TRAPPC8: variants seen among roughly 807,000 people sequenced by gnomAD.
The protein encoded by TRAPPC8 is trafficking protein particle complex subunit 8.
A neutral mutation model predicts 174.3 loss-of-function variants in TRAPPC8; 54 were observed. The ratio of observed to expected loss-of-function variants is 0.31; its 90% CI spans 0.25 to 0.39. The LOEUF is 0.39. Among genes scored for constraint, TRAPPC8 ranks in the 10% least tolerant of loss-of-function variants. TRAPPC8 has a pLI of 1.00. For missense variants in TRAPPC8, 1,531 were observed against 1,699.1 expected, an observed-to-expected ratio of 0.90 and a Z score of 1.74; for synonymous variants, 630 against 579.9, an observed-to-expected ratio of 1.09 and a Z score of -1.24.
intron 10 of TRAPPC8, among the ~76,000 whole-genome samples, chr18:31,898,809 A>C (rs2036289675): frequency 6.6e-6 from 1 of 152,228 alleles, no homozygotes; most frequent in Admixed American, 6.5e-5. Context: ...TCTTACTATG[A>C]AATTACAAGA....
chr18:31,935,822 G>A (rs375863838), intron 1 of TRAPPC8, among the ~76,000 whole-genome samples: 161 of 150,828 alleles, frequency 1.1e-3, no homozygotes, highest in African/African-American at 3.8e-3. Flanking sequence ...TGCAACCTCC[G>A]CCTCCCAGGT....
chr18:31,846,794 T>C lies in TRAPPC8; in HGVS notation c.3759A>G (p.Lys1253=). ...LWKAYVVEDS[K]QLILEGQHHV... is the part of the protein sequence containing the mutation. ...GATGTTGACCTTCCAAAATAAGCTG[T>C]TTACTGTCTTCCACAACGTATGCCT... The change falls in exon 26 of 29, where the codon AAA becomes AAG. Residue 1253 remains lysine, a synonymous_variant. Coordinates refer to ENST00000283351, the MANE Select transcript of TRAPPC8 (RefSeq NM_014939.5). 1 of 1,612,600 alleles carries C rather than the reference T, an allele frequency of 6.2e-7. No homozygotes were observed. Among genetic ancestry groups the C allele is most frequent in the Non-Finnish European group, 8.5e-7 (1 of 1,179,054 alleles).
chr18:31,854,010 G>A (rs2033861367), intron 21 of TRAPPC8, 65 bp from the exon 22 acceptor site: 1 of 1,289,742 alleles, frequency 7.8e-7, no homozygotes. Context: ...GTTCCGATGA[G>A]AATAAAATTC....
At chr18:31,921,370 T>C (rs2037381082) in intron 2 of TRAPPC8, among the ~76,000 whole-genome samples, 1 of 152,074 alleles carries the variant, frequency 6.6e-6, no homozygotes. Flanking sequence ...TCCCAACACT[T>C]TGGGAGGCCG....
rs770628604 is a variant in TRAPPC8, at chr18:31,866,878, C to T, written c.2561G>A (p.Gly854Asp). The part of the protein sequence containing the change: ...GTIQGSMTVD[G>D]IGALPGCHTG... ...GTGACATCCGGGAAGAGCACCAATG[C>T]CATCTACTGTCATAGAGCCCTGAAT... The change falls in exon 18 of 29, where the codon GGC becomes GAC. Residue 854 changes from glycine to aspartate, a missense_variant. By Grantham distance (94) the Gly-to-Asp change is moderately conservative. Coordinates refer to ENST00000283351, the MANE Select transcript of TRAPPC8 (RefSeq NM_014939.5). 4 of 1,613,510 alleles carry T rather than the reference C, an allele frequency of 2.5e-6. No individual in the cohort carries two copies. Among genetic ancestry groups the T allele is most frequent in the Non-Finnish European group, 2.5e-6 (3 of 1,179,658 alleles).
chr18:31,861,758 G>C (rs2034332916), intron 19 of TRAPPC8, among the ~76,000 whole-genome samples: 1 of 151,922 alleles, frequency 6.6e-6, no homozygotes, highest in Non-Finnish European at 1.5e-5. Context: ...GCAACGTAGT[G>C]AAACCAGTCC....
rs780124857 is a variant in TRAPPC8, at chr18:31,942,714, G to A, written c.51C>T (p.Val17=). The A allele has an allele frequency of 8.1e-6, 13 of 1,607,198 alleles. No homozygotes were observed. In the East Asian group the frequency reaches 2.5e-4, roughly 31 times the overall value. The change falls in exon 1 of 29, where the codon GTC becomes GTT. Residue 17 remains valine (V), a synonymous_variant. Transcript: ENST00000283351. ...CGCTGCACAGCGCAGCGACACAGGG[G>A]ACGAAGGAGTCCGGGATTAGCTCCT... ...SVQELIPDSF[V]PCVAALCSDE... is the part of the protein sequence containing the mutation.
At chr18:31,942,511 C>T (rs1598778098) in intron 1 of TRAPPC8, 97 bp downstream of exon 1, 2 of 1,384,992 alleles carry the variant, frequency 1.4e-6, no homozygotes, top group Non-Finnish European at 1.9e-6. Context: ...GGCTCCAGGA[C>T]GTAAACACTG....
intron 12 of TRAPPC8, among the ~76,000 whole-genome samples, chr18:31,879,015 T>C (rs376448548): frequency 2.0e-5 from 3 of 152,112 alleles, no homozygotes; most frequent in Admixed American, 6.5e-5. Flanking sequence ...CAAGCAGCCA[T>C]ACAGTAATAC....
rs2034575289 is a variant in TRAPPC8 at position 31,866,135 on chromosome 18, A to G, written c.2590+714T>C. ...TGTTTGTCAAGGACTATTCAACTTAATTTGTTGTAAAATAAGACATATCTA... is the reference window on the plus strand; with the variant it reads ...TGTTTGTCAAGGACTATTCAACTTAGTTTGTTGTAAAATAAGACATATCTA... On this transcript the variant is annotated intron_variant, in intron 18 of 28. Coordinates refer to ENST00000283351, the MANE Select transcript of TRAPPC8 (RefSeq NM_014939.5). Among the ~76,000 whole-genome samples the G allele has an allele frequency of 3.3e-5, 5 of 152,188 alleles. No individual in the cohort carries two copies. In the South Asian group the frequency reaches 1.0e-3, roughly 32 times the overall value.
intron 21 of TRAPPC8, 108 bp from the exon 22 acceptor site, chr18:31,854,053 A>G (rs144228454): frequency 1.5e-5 from 12 of 786,732 alleles, no homozygotes; most frequent in East Asian, 1.1e-4. Flanking sequence ...GTCAATTAAC[A>G]TAAGATGCAA....
At chr18:31,868,099 A>G (rs1190646644) in intron 16 of TRAPPC8, among the ~76,000 whole-genome samples, 1 of 152,216 alleles carries the variant, frequency 6.6e-6, no homozygotes, top group African/African-American at 2.4e-5. Flanking sequence ...CAGGTAGACA[A>G]TAACAGCAGT....
chr18:31,885,912 C>T (rs2035687329), intron 12 of TRAPPC8, among the ~76,000 whole-genome samples: 1 of 151,732 alleles, frequency 6.6e-6, no homozygotes, highest in Admixed American at 6.6e-5. Flanking sequence ...GATAATACGG[C>T]AAGAGATAAA....
intron 9 of TRAPPC8, among the ~76,000 whole-genome samples, chr18:31,904,579 C>T (rs914890496): frequency 1.3e-5 from 2 of 152,086 alleles, no homozygotes; most frequent in Non-Finnish European, 2.9e-5. Flanking sequence ...ATGATTAAAG[C>T]CTTTAACCTG....
At chr18:31,914,888 T>A (rs2037065470) in intron 4 of TRAPPC8, among the ~76,000 whole-genome samples, 1 of 152,026 alleles carries the variant, frequency 6.6e-6, no homozygotes, top group Non-Finnish European at 1.5e-5. Context: ...ATCATGAATA[T>A]TAAAGGGAAC....
At chr18:31,903,005 G>C (rs977387540) in intron 9 of TRAPPC8, among the ~76,000 whole-genome samples, 7 of 150,448 alleles carry the variant, frequency 4.7e-5, no homozygotes, top group Non-Finnish European at 1.0e-4. Flanking sequence ...AGCCGAGATC[G>C]TGCCACTGCA....
chr18:31,830,691 A>C lies in TRAPPC8; in HGVS notation c.*64T>G. 2 of 1,355,494 alleles carry C rather than the reference A, an allele frequency of 1.5e-6. No homozygotes were observed. Among genetic ancestry groups the C allele is most frequent in the Non-Finnish European group, 1.0e-6 (1 of 977,712 alleles). 84.0% of individuals were successfully genotyped at this position (1,355,494 alleles called of 1,614,324 possible). A position where few individuals can be genotyped will look rare whatever the true frequency, so the allele number is the denominator to read the frequency against. ...CCATAACAAGTTAGGTATATCAAAT[A>C]CTGCTGTAAAACCCATCCAGCAAAA... On this transcript the variant is annotated 3_prime_UTR_variant, in exon 29 of 29. Transcript: ENST00000283351.
At chr18:31,856,783 CCCTT>C (rs1436804004) in intron 20 of TRAPPC8, among the ~76,000 whole-genome samples, 1 of 151,600 alleles carries the variant, frequency 6.6e-6, no homozygotes, top group Non-Finnish European at 1.5e-5. Flanking sequence ...GCATATCCCT[CCCTT>C]GATATTCAAA....
chr18:31,928,733 C>A (rs2037730567), intron 2 of TRAPPC8, among the ~76,000 whole-genome samples: 1 of 152,072 alleles, frequency 6.6e-6, no homozygotes, highest in South Asian at 2.1e-4. Flanking sequence ...GTCTCCCTAC[C>A]AGATTATAAA....
Sources: gnomAD v4.1 joint callset for allele counts (sites outside exome capture counted in the v4.1 genomes callset) on GRCh38, gnomAD v4.1.1 for gene constraint, MANE v1.5 for transcripts, NCBI Gene and HGNC (gene_info 2026-07-23, HGNC 2026-07-21) for gene names.